SBNO2: variants seen among roughly 807,000 people sequenced by gnomAD.
The protein encoded by SBNO2 is strawberry notch homolog 2.
SBNO2 carries 89 observed loss-of-function variants against 146.3 expected under a neutral mutation model. That is an observed-to-expected ratio of 0.61 (90% CI 0.51 to 0.73). The LOEUF is 0.73. Among genes scored for constraint, SBNO2 ranks in the 30% least tolerant of loss-of-function variants. SBNO2 has a pLI of 0.00. For synonymous variants in SBNO2, 1,147 were observed against 892.6 expected (o/e 1.29, Z -5.08); for missense variants, 2,092 against 2,003.7 (o/e 1.04, Z -0.84).
chr19:1,169,257 C>A (rs1362829551), intron 1 of SBNO2: 1 of 152,330 alleles, frequency 6.6e-6, no homozygotes, highest in East Asian at 1.9e-4. Flanking sequence ...CCTCCTCCCA[C>A]CCCATCACTC....
At chr19:1,122,303 T>G (rs199505774) in intron 10 of SBNO2, 21 bp from the exon 11 acceptor site, 768 of 1,545,510 alleles carry the variant, frequency 5.0e-4, no homozygotes, top group Non-Finnish European at 6.2e-4. Context: ...ACAGAACAGG[T>G]GTGGAATGGG....
chr19:1,113,508 A>C, intron 19 of SBNO2, 27 bp downstream of exon 19: 3 of 1,545,524 alleles, frequency 1.9e-6, no homozygotes, highest in Non-Finnish European at 2.6e-6. Context: ...CCCGCCCACC[A>C]CACTCCAGCT....
chr19:1,161,644 G>C (rs2080346289), intron 1 of SBNO2, among the ~76,000 whole-genome samples: 1 of 151,820 alleles, frequency 6.6e-6, no homozygotes, highest in Non-Finnish European at 1.5e-5. Flanking sequence ...GCGGGTCTCA[G>C]GATGCCCAGG....
chr19:1,139,948 TCAAAA>T (rs2080119795), intron 4 of SBNO2, among the ~76,000 whole-genome samples: 1 of 149,894 alleles, frequency 6.7e-6, no homozygotes, highest in Non-Finnish European at 1.5e-5. Flanking sequence ...AAACTCCATC[TCAAAA>T]CAAAACAAAA....
chr19:1,169,344 C>T (rs1432037612), intron 1 of SBNO2, among the ~76,000 whole-genome samples: 4 of 152,356 alleles, frequency 2.6e-5, no homozygotes, highest in East Asian at 3.9e-4. Flanking sequence ...CGGCCCCAGG[C>T]TGAGGCCTCC....
In SBNO2 at chr19:1,114,370, C is replaced by T. The variant is rs374653400; in HGVS notation, c.1938G>A (p.Ala646=). 2.3e-4 allele frequency: 353 copies of T among 1,555,312 alleles called. No individual in the cohort carries two copies. The African/African-American group carries it at 4.3e-3, about 19-fold the overall frequency. Reference sequence around the variant, plus strand: ...TGTCGTCACTGATGCGGATGACGCCCGCTGTCTCGCACGCCAGCCGGGGGG... The same window carrying T: ...TGTCGTCACTGATGCGGATGACGCCTGCTGTCTCGCACGCCAGCCGGGGGG... ...AKAPRLACET[A]GVIRISDDSS... is the part of the protein sequence containing the mutation. Residue 646 remains alanine (A), a synonymous_variant, in exon 18 of 32, where the codon GCG becomes GCA. Transcript: ENST00000361757.
chr19:1,131,050 C>CA (rs1249083312), intron 4 of SBNO2, among the ~76,000 whole-genome samples: 1 of 152,182 alleles, frequency 6.6e-6, no homozygotes, highest in African/African-American at 2.4e-5. Context: ...CAGCTCCCCC[C>CA]ACAGTGGCTC....
Position 1,126,966 on chromosome 19 carries a change from C to T in SBNO2, c.441+638G>A, listed in dbSNP as rs969428823. Among the ~76,000 whole-genome samples the T allele has an allele frequency of 6.6e-6, 1 of 152,212 alleles. No individual in the cohort carries two copies. The highest frequency in any genetic ancestry group is 1.9e-4 in the East Asian group (1 of 5,196). On this transcript the variant is annotated intron_variant, in intron 5 of 31. Transcript: ENST00000361757. The surrounding 1 kb of genome is among the most constrained non-coding windows in gnomAD (Gnocchi z 4.4). Reference sequence around the variant, plus strand: ...CAACCCCTGCTCTAGGCCTGGCCCACCCAGGTCCTTCAGGAGCTTCTTGGA... The same window carrying T: ...CAACCCCTGCTCTAGGCCTGGCCCATCCAGGTCCTTCAGGAGCTTCTTGGA...
At position 1,126,765 on chromosome 19, in the gene SBNO2, T is replaced by A. The variant is rs2079970214; in HGVS notation, c.441+839A>T. ...CGGAAGGCGCTCAGTCCCAGAGACA[T>A]GTCCAACGTCTGCTCCCAAAGTCTA... On this transcript the variant is annotated intron_variant, in intron 5 of 31. Transcript: ENST00000361757. The surrounding 1 kb of genome is among the most constrained non-coding windows in gnomAD (Gnocchi z 4.4). Among the ~76,000 whole-genome samples, 2 of 152,214 alleles carry A rather than the reference T, an allele frequency of 1.3e-5. No homozygotes were observed. The highest frequency in any genetic ancestry group is 2.9e-5 in the Non-Finnish European group (2 of 68,020).
chr19:1,138,838 C>A (rs1189180494), intron 4 of SBNO2, among the ~76,000 whole-genome samples: 1 of 151,450 alleles, frequency 6.6e-6, no homozygotes, highest in Non-Finnish European at 1.5e-5. Context: ...GTCCTCCACG[C>A]CTCCATCACG....
rs1430540530 is a variant in SBNO2 at position 1,108,582 on chromosome 19, G to A, written c.3739C>T (p.Leu1247=). The A allele has an allele frequency of 8.7e-6, 11 of 1,266,708 alleles. No individual in the cohort carries two copies. Among genetic ancestry groups the A allele is most frequent in the Non-Finnish European group, 1.1e-5 (11 of 1,009,382 alleles). The allele number at this position is 1,266,708 out of a possible 1,614,324, so 78.5% of individuals were successfully genotyped here. The change falls in exon 32 of 32, where the codon CTG becomes TTG. Residue 1247 remains leucine (L), a synonymous_variant. Transcript: ENST00000361757. ...GCPAPPAPRP[L]ALPCGPGEVL... Reference sequence around the variant, plus strand: ...TCTCCGGGGCCGCAAGGCAGCGCCAGCGGGCGCGGGGCGGGCGGGGCGGGG... The same window carrying A: ...TCTCCGGGGCCGCAAGGCAGCGCCAACGGGCGCGGGGCGGGCGGGGCGGGG...
chr19:1,130,412 A>G (rs545172083), intron 4 of SBNO2, among the ~76,000 whole-genome samples: 2 of 152,258 alleles, frequency 1.3e-5, no homozygotes, highest in African/African-American at 4.8e-5. Context: ...GGATCCGTTG[A>G]GCCCAGGTGG....
Position 1,119,150 on chromosome 19 carries a change from A to G in SBNO2, c.1388T>C (p.Met463Thr), listed in dbSNP as rs752270395. ...CTTCATGTCCATGGCCACGATCTCC[A>G]TGGCGCCAACGCCCCTGCGGATGGA... is the stretch of plus-strand genomic sequence containing the variant. ...HAIEKRGVGAMEIVAMDMKVS... is the reference protein window; with the variant it reads ...HAIEKRGVGATEIVAMDMKVS... Residue 463 changes from methionine to threonine, a missense_variant, in exon 14 of 32, where the codon ATG (methionine) becomes ACG (threonine). Coordinates refer to ENST00000361757, the MANE Select transcript of SBNO2 (RefSeq NM_014963.3). 2 of 1,599,976 alleles carry G rather than the reference A, an allele frequency of 1.3e-6. No individual in the cohort carries two copies. Among genetic ancestry groups the G allele is most frequent in the East Asian group, 2.3e-5 (1 of 44,340 alleles).
intron 1 of SBNO2, among the ~76,000 whole-genome samples, chr19:1,172,402 CT>C (rs969199243): frequency 1.3e-5 from 2 of 152,196 alleles, no homozygotes; most frequent in African/African-American, 4.8e-5. Context: ...AGGGTCACCC[CT>C]GGGAAAATCT....
intron 1 of SBNO2, among the ~76,000 whole-genome samples, chr19:1,172,181 A>G: frequency 6.6e-6 from 1 of 152,152 alleles, no homozygotes; most frequent in Non-Finnish European, 1.5e-5. Flanking sequence ...AGGGGCTGGC[A>G]GGCGCCTTCC....
At position 1,112,114 on chromosome 19, in the gene SBNO2, TC is replaced by T. The variant is rs1318956145; in HGVS notation, c.2629-48del. On this transcript the variant is annotated intron_variant, in intron 22 of 31. Transcript: ENST00000361757. This position sits in a 1 kb window ranked among gnomAD's most constrained non-coding sequence, Gnocchi z 5.9. ...TCAGTTGGTCACCTGGGGTCTGGCC[TC>T]TAGCACCCCACAAAGCTTTGGAGAG... The T allele has an allele frequency of 6.2e-7, 1 of 1,608,138 alleles. No homozygotes were observed. Among genetic ancestry groups the T allele is most frequent in the East Asian group, 2.2e-5 (1 of 44,798 alleles).
rs1351746420 is a variant in SBNO2, at chr19:1,111,485, AC to A, written c.2809+20del. On this transcript the variant is annotated intron_variant, in intron 24 of 31. Coordinates refer to ENST00000361757, the MANE Select transcript of SBNO2 (RefSeq NM_014963.3). ...TGCAACCCCTGCCCCTCCCAGGAAG[AC>A]CCCCACCAGCCCAGCTTACCCCGGA... 3.3e-6 allele frequency: 5 copies of A among 1,504,860 alleles called. No individual in the cohort carries two copies. The highest frequency in any genetic ancestry group is 4.5e-6 in the Non-Finnish European group (5 of 1,104,334). 93.2% of individuals were successfully genotyped at this position (1,504,860 alleles called of 1,614,324 possible).
chr19:1,147,378 G>A lies in SBNO2; in HGVS notation c.210C>T (p.Cys70=), dbSNP rs1280280817. Residue 70 remains cysteine (C), a synonymous_variant, in exon 4 of 32, where the codon TGC becomes TGT. Transcript: ENST00000361757. The part of the protein sequence containing the change: ...SSASFLGSQP[C]PDTSYAPVAT... ...CCACGGGGGCATAGCTGGTGTCTGGGCAGGGCTGGCTGCCGAGGAAGGAGG... is the reference window on the plus strand; with the variant it reads ...CCACGGGGGCATAGCTGGTGTCTGGACAGGGCTGGCTGCCGAGGAAGGAGG... 6.5e-7 allele frequency: 1 copy of A among 1,538,256 alleles called. No homozygotes were observed. The highest frequency in any genetic ancestry group is 8.7e-7 in the Non-Finnish European group (1 of 1,152,060).
rs984390707 is a variant in SBNO2, at chr19:1,108,966, G to A, written c.3429C>T (p.Asn1143=). 12 of 1,531,414 alleles carry A rather than the reference G, an allele frequency of 7.8e-6. No homozygotes were observed. The highest frequency in any genetic ancestry group is 9.6e-6 in the Non-Finnish European group (11 of 1,144,582). 94.9% of individuals were successfully genotyped at this position (1,531,414 alleles called of 1,614,324 possible). A position where few individuals can be genotyped will look rare whatever the true frequency, so the allele number is the denominator to read the frequency against. Residue 1143 remains asparagine (N), a synonymous_variant, in exon 31 of 32, where the codon AAC becomes AAT. Coordinates refer to ENST00000361757, the MANE Select transcript of SBNO2 (RefSeq NM_014963.3). The part of the protein sequence containing the change: ...SLTHCSHSAW[N]RHCRLAQEGK... ...CCTCCTGCGCCAGCCGGCAGTGCCGGTTCCTGCGGACGAGACGGGTCGTCT... is the reference window on the plus strand; with the variant it reads ...CCTCCTGCGCCAGCCGGCAGTGCCGATTCCTGCGGACGAGACGGGTCGTCT...
Sources: gnomAD v4.1 joint callset for allele counts (sites outside exome capture counted in the v4.1 genomes callset) on GRCh38, gnomAD v4.1.1 for gene constraint, Gnocchi (gnomAD v3.1) non-coding constraint, MANE v1.5 for transcripts, NCBI Gene and HGNC (gene_info 2026-07-23, HGNC 2026-07-21) for gene names.